STRBP: variants seen among roughly 807,000 people sequenced by gnomAD.
STRBP encodes spermatid perinuclear RNA binding protein.
A neutral mutation model predicts 80.1 loss-of-function variants in STRBP; 13 were observed. The ratio of observed to expected loss-of-function variants is 0.16; its 90% confidence interval spans 0.11 to 0.26. The LOEUF is 0.26. STRBP is among the 10% of genes least tolerant of loss of function. The pLI, the probability that STRBP is intolerant of heterozygous loss-of-function variation, is 1.00. For synonymous variants in STRBP, 284 were observed against 291.2 expected, an observed-to-expected ratio of 0.98 and a Z score of 0.25; for missense variants, 485 against 815.2, an observed-to-expected ratio of 0.59 and a Z score of 4.93.
intron 17 of STRBP, among the ~76,000 whole-genome samples, chr9:123,132,503 TCTC>T (rs1397511408): frequency 6.6e-6 from 1 of 152,116 alleles, no homozygotes; most frequent in African/African-American, 2.4e-5. Flanking sequence ...GCAGTTTTTC[TCTC>T]CTGTTATACC....
chr9:123,210,871 C>T (rs1390675513), intron 2 of STRBP, among the ~76,000 whole-genome samples: 2 of 151,592 alleles, frequency 1.3e-5, no homozygotes, highest in African/African-American at 4.8e-5. Flanking sequence ...AAATGAAATA[C>T]CATTTTACAT....
chr9:123,153,860 A>G (rs911234767), intron 11 of STRBP, among the ~76,000 whole-genome samples: 3 of 152,234 alleles, frequency 2.0e-5, no homozygotes, highest in African/African-American at 7.2e-5. Flanking sequence ...CAGTGTAAAG[A>G]GAAAGGGTCT....
At chr9:123,128,543 A>G (rs559577000) in intron 17 of STRBP, among the ~76,000 whole-genome samples, 1 of 152,322 alleles carries the variant, frequency 6.6e-6, no homozygotes, top group East Asian at 1.9e-4. Flanking sequence ...ATTAACTATC[A>G]GTTCCTTGTC....
chr9:123,146,635 T>G (rs1158657468), intron 13 of STRBP, among the ~76,000 whole-genome samples: 5 of 151,116 alleles, frequency 3.3e-5, no homozygotes, highest in African/African-American at 1.2e-4. Context: ...TGACATATTT[T>G]AATTCTTTAC....
Position 123,200,803 on chromosome 9 carries a change from G to A in STRBP, c.-164-16505C>T, listed in dbSNP as rs538588245. Among the ~76,000 whole-genome samples, 33 of 131,490 alleles carry A rather than the reference G, an allele frequency of 2.5e-4. No individual in the cohort carries two copies. The South Asian group carries it at 5.8e-3, about 23-fold the overall frequency. 86.3% of individuals were successfully genotyped at this position (131,490 alleles called of 152,430 possible). ...TCACCATGTTAGCCAGGATGGTCTCGATGTCCTGACCTCATGAGCCGCCCG... is the reference window on the plus strand; with the variant it reads ...TCACCATGTTAGCCAGGATGGTCTCAATGTCCTGACCTCATGAGCCGCCCG... On this transcript the variant is annotated intron_variant, in intron 2 of 18. Coordinates refer to ENST00000348403, the MANE Select transcript of STRBP (RefSeq NM_018387.5).
At chr9:123,242,058 T>C (rs1234051252) in intron 1 of STRBP, among the ~76,000 whole-genome samples, 1 of 152,178 alleles carries the variant, frequency 6.6e-6, no homozygotes, top group African/African-American at 2.4e-5. Context: ...CCTGGAATAG[T>C]CTTCTCCCTT....
At chr9:123,111,272 G>A in intron 3 of STRBP, 1 of 199,592 alleles carries the variant, frequency 5.0e-6, no homozygotes, top group Non-Finnish European at 1.1e-5. Flanking sequence ...ATCCCTAAAG[G>A]GTGGAGAGCA....
In STRBP at chr9:123,125,215, CTG is replaced by C. The variant is rs1329681249; in HGVS notation, c.*380_*381del. 1.0e-6 allele frequency: 1 copy of C among 991,582 alleles called. No individual in the cohort carries two copies. The highest frequency in any genetic ancestry group is 1.2e-6 in the Non-Finnish European group (1 of 833,936). 61.4% of individuals were successfully genotyped at this position (991,582 alleles called of 1,614,324 possible). Reference sequence around the variant, plus strand: ...ACTGCATCAGGAACCAGGCAGTACTCTGTGTTACAACAAAGCAGTTTATTTGT... The same window carrying C: ...ACTGCATCAGGAACCAGGCAGTACTCTGTTACAACAAAGCAGTTTATTTGT... On this transcript the variant is annotated 3_prime_UTR_variant, in exon 19 of 19. Transcript: ENST00000348403.
intron 2 of STRBP, among the ~76,000 whole-genome samples, chr9:123,234,996 T>TGGG (rs71390420): frequency 1.6e-5 from 2 of 123,638 alleles, no homozygotes; most frequent in African/African-American, 3.2e-5. Context: ...GCTTTTTTTT[T>TGGG]GGGGGGGGGG....
intron 2 of STRBP, among the ~76,000 whole-genome samples, chr9:123,236,149 G>C (rs2040555448): frequency 6.6e-6 from 1 of 152,130 alleles, no homozygotes; most frequent in African/African-American, 2.4e-5. Flanking sequence ...CTCTAAAGTA[G>C]AAAATGTTCC....
chr9:123,234,150 G>A (rs887168199), intron 2 of STRBP, among the ~76,000 whole-genome samples: 3 of 145,646 alleles, frequency 2.1e-5, no homozygotes, highest in Non-Finnish European at 3.0e-5. Context: ...GTGGTGAGCA[G>A]AGATCACACC....
intron 1 of STRBP, among the ~76,000 whole-genome samples, chr9:123,240,297 T>C (rs568050650): frequency 2.1e-4 from 24 of 114,648 alleles, no homozygotes; most frequent in Non-Finnish European, 3.3e-4. Flanking sequence ...CATGAAACCA[T>C]TATATTATTA....
At chr9:123,169,873 C>CATATAT (rs59261791) in intron 6 of STRBP, 29 bp downstream of exon 6, 1,451 of 991,388 alleles carry the variant, frequency 1.5e-3, no homozygotes, top group African/African-American at 2.9e-3. Context: ...CAAATATATA[C>CATATAT]ATATATATAT....
At chr9:123,215,005 G>A (rs963438299) in intron 2 of STRBP, among the ~76,000 whole-genome samples, 3 of 151,824 alleles carry the variant, frequency 2.0e-5, no homozygotes, top group African/African-American at 7.3e-5. Context: ...CCTGGGTTAT[G>A]GTCTTAGGCA....
chr9:123,220,730 C>G (rs1242384783), intron 2 of STRBP, among the ~76,000 whole-genome samples: 1 of 152,138 alleles, frequency 6.6e-6, no homozygotes, highest in African/African-American at 2.4e-5. Flanking sequence ...TATAACTAAC[C>G]TCCAAATAAC....
intron 1 of STRBP, among the ~76,000 whole-genome samples, chr9:123,254,456 C>CAAAAAA (rs1205708821): frequency 4.6e-5 from 3 of 65,722 alleles, no homozygotes; most frequent in Admixed American, 1.8e-4. Flanking sequence ...GACTCCGTCT[C>CAAAAAA]AAAAAAAAAA....
chr9:123,254,456 CAA>C (rs1205708821), intron 1 of STRBP, among the ~76,000 whole-genome samples: 248 of 65,716 alleles, frequency 3.8e-3, no homozygotes, highest in African/African-American at 7.8e-3. Context: ...GACTCCGTCT[CAA>C]AAAAAAAAAA....
chr9:123,210,282 A>T (rs1191824867), intron 2 of STRBP, among the ~76,000 whole-genome samples: 3 of 152,166 alleles, frequency 2.0e-5, no homozygotes, highest in African/African-American at 7.2e-5. Flanking sequence ...GAGTATTAAA[A>T]TCAAGAACTT....
intron 12 of STRBP, 75 bp downstream of exon 12, chr9:123,147,702 CT>C: frequency 1.0e-6 from 1 of 995,022 alleles, no homozygotes; most frequent in South Asian, 1.7e-5. Flanking sequence ...AAAAAAAACC[CT>C]TCACTTTTAA....
Sources: gnomAD v4.1 joint callset for allele counts (sites outside exome capture counted in the v4.1 genomes callset) on GRCh38, gnomAD v4.1.1 for gene constraint, MANE v1.5 for transcripts, NCBI Gene and HGNC (gene_info 2026-07-23, HGNC 2026-07-21) for gene names.